Variants in RBFOX1 observed in about 807,000 individuals in gnomAD.
The protein encoded by RBFOX1 is RNA binding protein fox-1 homolog 1.
In RBFOX1, 8 loss-of-function variants were observed where a neutral mutation model predicts 57.7. That is an observed-to-expected ratio of 0.14 (90% CI 0.08 to 0.25). RBFOX1 has a LOEUF of 0.25. RBFOX1 is among the 10% of genes least tolerant of loss of function. The pLI, the probability that RBFOX1 is intolerant of heterozygous loss-of-function variation, is 1.00. For missense variants in RBFOX1, 611 were observed against 548.5 expected (o/e 1.11, Z -1.14); for synonymous variants, 326 against 222.4 (o/e 1.47, Z -4.15).
intron 3 of RBFOX1, among the ~76,000 whole-genome samples, chr16:5,829,666 C>A (rs79495698): frequency 8.0e-6 from 1 of 125,068 alleles, no homozygotes; most frequent in Non-Finnish European, 1.8e-5. Context: ...ATCTGCTGTC[C>A]ATGAGCCAGG....
intron 1 of RBFOX1, among the ~76,000 whole-genome samples, chr16:6,101,651 G>A (rs998660152): frequency 4.6e-5 from 7 of 152,016 alleles, no homozygotes; most frequent in Admixed American, 1.3e-4. Context: ...CAGGCCCAGC[G>A]TGGCTCATAC....
chr16:7,551,288 C>T (rs1377756619), intron 5 of RBFOX1, among the ~76,000 whole-genome samples: 3 of 152,026 alleles, frequency 2.0e-5, no homozygotes, highest in Non-Finnish European at 2.9e-5. Context: ...AGAAAAAAGT[C>T]ACCATACAAG....
chr16:6,602,432 A>G (rs2097864115), intron 2 of RBFOX1, among the ~76,000 whole-genome samples: 2 of 152,172 alleles, frequency 1.3e-5, no homozygotes, highest in Admixed American at 6.5e-5. Context: ...GTCTCTCTAG[A>G]GCAAGAAGGG....
chr16:6,483,502 GA>G (rs1290469219), intron 2 of RBFOX1: 1 of 1,535,614 alleles, frequency 6.5e-7, no homozygotes, highest in Non-Finnish European at 8.7e-7. Context: ...AGCCGACAAT[GA>G]AATCTTGGCA....
chr16:6,632,393 T>C (rs998011817), intron 2 of RBFOX1, among the ~76,000 whole-genome samples: 3 of 152,144 alleles, frequency 2.0e-5, no homozygotes, highest in Non-Finnish European at 4.4e-5. Context: ...ATAAACAGTA[T>C]GGAGACCAGT....
chr16:7,125,164 G>GT, intron 4 of RBFOX1, among the ~76,000 whole-genome samples: 1 of 152,292 alleles, frequency 6.6e-6, no homozygotes, highest in East Asian at 1.9e-4. Context: ...CTGCATGGTG[G>GT]TGTTAAGTGT....
At chr16:6,390,951 A>G (rs2092571441) in intron 2 of RBFOX1, among the ~76,000 whole-genome samples, 1 of 152,138 alleles carries the variant, frequency 6.6e-6, no homozygotes, top group Non-Finnish European at 1.5e-5. Context: ...CTGACATTCG[A>G]AGCTGGAGAA....
At chr16:6,751,210 G>C (rs956951101) in intron 3 of RBFOX1, among the ~76,000 whole-genome samples, 2 of 152,216 alleles carry the variant, frequency 1.3e-5, no homozygotes, top group Admixed American at 6.5e-5. Context: ...TAAGGACAAG[G>C]GTATTGAGCT....
intron 2 of RBFOX1, among the ~76,000 whole-genome samples, chr16:6,475,660 G>A (rs771710750): frequency 3.9e-5 from 6 of 152,126 alleles, no homozygotes; most frequent in Non-Finnish European, 7.3e-5. Flanking sequence ...GGATTATTAG[G>A]TGTCAGGACA....
intron 4 of RBFOX1, among the ~76,000 whole-genome samples, chr16:7,103,533 C>G (rs1307070546): frequency 6.6e-6 from 1 of 152,094 alleles, no homozygotes; most frequent in Non-Finnish European, 1.5e-5. Context: ...TGATCAGTGA[C>G]AAAAGCTGTG....
intron 1 of RBFOX1, among the ~76,000 whole-genome samples, chr16:5,412,757 A>G (rs1400300739): frequency 6.6e-6 from 1 of 152,264 alleles, no homozygotes; most frequent in East Asian, 1.9e-4. Flanking sequence ...AATCAAGCAC[A>G]GGGAGGCTAA....
chr16:7,210,796 A>G (rs1009347023), intron 4 of RBFOX1, among the ~76,000 whole-genome samples: 3 of 152,156 alleles, frequency 2.0e-5, no homozygotes, highest in African/African-American at 7.2e-5. Context: ...TGAAAAGTAC[A>G]TCTGTGTGTG....
intron 2 of RBFOX1, among the ~76,000 whole-genome samples, chr16:6,586,070 T>C (rs939466987): frequency 4.6e-5 from 7 of 152,236 alleles, no homozygotes; most frequent in African/African-American, 1.7e-4. Context: ...GAAGTTATGC[T>C]TAATTTGAAA....
intron 4 of RBFOX1, among the ~76,000 whole-genome samples, chr16:7,060,134 G>A (rs1324768629): frequency 6.6e-6 from 1 of 152,054 alleles, no homozygotes; most frequent in Admixed American, 6.6e-5. Flanking sequence ...TCTGAAAAAA[G>A]CCAGATTGTG....
At chr16:7,684,269 C>G (rs746749470) in intron 14 of RBFOX1, among the ~76,000 whole-genome samples, 10 of 152,018 alleles carry the variant, frequency 6.6e-5, no homozygotes, top group Non-Finnish European at 1.5e-4. Flanking sequence ...GAATTAGGCA[C>G]TTCTCAAAAA....
At chr16:6,845,339 C>G (rs1177474121) in intron 3 of RBFOX1, among the ~76,000 whole-genome samples, 1 of 150,870 alleles carries the variant, frequency 6.6e-6, no homozygotes, top group South Asian at 2.1e-4. Context: ...TTTAATCTTT[C>G]TTGAGTTAAT....
At chr16:7,452,409 G>A (rs887025570) in intron 4 of RBFOX1, among the ~76,000 whole-genome samples, 4 of 152,162 alleles carry the variant, frequency 2.6e-5, no homozygotes, top group African/African-American at 9.7e-5. Flanking sequence ...GCCTAGAATG[G>A]CCAGTTGCTT....
At chr16:5,550,178 G>C (rs1872685) in intron 2 of RBFOX1, among the ~76,000 whole-genome samples, 43,518 of 152,088 alleles carry the variant, frequency 0.29, 6,875 homozygotes, top group Non-Finnish European at 0.35. Flanking sequence ...TGTTGCGAGA[G>C]GGGCTGTGTG....
chr16:6,926,803 C>T (rs1416665025), intron 3 of RBFOX1, among the ~76,000 whole-genome samples: 2 of 152,122 alleles, frequency 1.3e-5, no homozygotes, highest in Admixed American at 1.3e-4. Context: ...TTAAAATTAT[C>T]GTTTTGATCT....
Sources: gnomAD v4.1 joint callset for allele counts (sites outside exome capture counted in the v4.1 genomes callset) on GRCh38, gnomAD v4.1.1 for gene constraint, MANE v1.5 for transcripts, NCBI Gene and HGNC (gene_info 2026-07-23, HGNC 2026-07-21) for gene names.